STPG2: variants seen among roughly 807,000 people sequenced by gnomAD.
The protein encoded by STPG2 is sperm-tail PG-rich repeat-containing protein 2.
STPG2 carries 56 observed loss-of-function variants against 54.2 expected under a neutral mutation model. That is an observed-to-expected ratio of 1.03 (90% CI 0.83 to 1.29). The LOEUF (loss-of-function observed/expected upper bound fraction) is 1.29. STPG2 is among the 50% of genes most tolerant of loss of function. STPG2 has a pLI of 0.00. For missense variants in STPG2, 596 were observed against 544.9 expected (o/e 1.09, Z -0.93); for synonymous variants, 200 against 181.8 (o/e 1.10, Z -0.81).
chr4:97,484,218 A>G (rs892044706), intron 4 of STPG2, among the ~76,000 whole-genome samples: 6 of 151,792 alleles, frequency 4.0e-5, no homozygotes, highest in Non-Finnish European at 8.8e-5. Flanking sequence ...AAACATGAAA[A>G]TCAGAGCAGA....
At chr4:97,858,004 T>A (rs1267293288) in intron 8 of STPG2, among the ~76,000 whole-genome samples, 1 of 151,796 alleles carries the variant, frequency 6.6e-6, no homozygotes, top group Non-Finnish European at 1.5e-5. Context: ...TTGGATGATA[T>A]AAAAAAATTA....
intron 9 of STPG2, among the ~76,000 whole-genome samples, chr4:97,764,791 C>A (rs1040686754): frequency 6.6e-6 from 1 of 152,008 alleles, no homozygotes; most frequent in Non-Finnish European, 1.5e-5. Flanking sequence ...TTATTTAATT[C>A]ATATGATGGA....
At chr4:98,100,636 T>C (rs1002985626) in intron 5 of STPG2, among the ~76,000 whole-genome samples, 2 of 150,260 alleles carry the variant, frequency 1.3e-5, no homozygotes, top group Non-Finnish European at 3.0e-5. Flanking sequence ...TTACCAACCT[T>C]CCCAAGTCAT....
chr4:97,739,696 A>G (rs1376393174), intron 9 of STPG2, among the ~76,000 whole-genome samples: 1 of 152,210 alleles, frequency 6.6e-6, no homozygotes, highest in East Asian at 1.9e-4. Flanking sequence ...GACCAATAAC[A>G]GGCTCTGAAA....
At chr4:97,907,794 G>C (rs867169273) in intron 8 of STPG2, among the ~76,000 whole-genome samples, 19 of 152,188 alleles carry the variant, frequency 1.2e-4, no homozygotes, top group South Asian at 2.1e-4. Context: ...ATAAATAGTG[G>C]TGGGAAAACT....
At chr4:97,632,976 T>G (rs1721341634) in intron 10 of STPG2, among the ~76,000 whole-genome samples, 1 of 152,130 alleles carries the variant, frequency 6.6e-6, no homozygotes, top group African/African-American at 2.4e-5. Context: ...GGTAGATAGA[T>G]GGCAGGTAGG....
At chr4:97,743,593 T>C (rs1210657682) in intron 9 of STPG2, among the ~76,000 whole-genome samples, 1 of 151,714 alleles carries the variant, frequency 6.6e-6, no homozygotes, top group African/African-American at 2.4e-5. Flanking sequence ...ATATCTCATA[T>C]CATTTGTTCA....
At chr4:97,904,113 C>G (rs1731296638) in intron 8 of STPG2, among the ~76,000 whole-genome samples, 1 of 152,208 alleles carries the variant, frequency 6.6e-6, no homozygotes, top group African/African-American at 2.4e-5. Context: ...TGAAGGAGGC[C>G]TGCCTGCCTC....
At chr4:97,778,248 G>A (rs112509798) in intron 9 of STPG2, among the ~76,000 whole-genome samples, 1,902 of 152,272 alleles carry the variant, frequency 0.012, 35 homozygotes, top group African/African-American at 0.044. Context: ...CGTAGCAAAG[G>A]GCACAAGAGG....
At chr4:97,740,654 A>G (rs1245527608) in intron 9 of STPG2, among the ~76,000 whole-genome samples, 1 of 152,178 alleles carries the variant, frequency 6.6e-6, no homozygotes, top group Non-Finnish European at 1.5e-5. Context: ...CCAACTTACA[A>G]GGGATGTGAA....
At chr4:97,891,608 T>C (rs1191577589) in intron 8 of STPG2, among the ~76,000 whole-genome samples, 3 of 152,122 alleles carry the variant, frequency 2.0e-5, no homozygotes. Context: ...CTTAGGTATT[T>C]CTTTCAGTCC....
chr4:97,480,161 T>C (rs1730182693), intron 4 of STPG2, among the ~76,000 whole-genome samples: 1 of 151,640 alleles, frequency 6.6e-6, no homozygotes, highest in African/African-American at 2.4e-5. Context: ...AAGGGAAAAT[T>C]ATGCAAAGTT....
intron 8 of STPG2, among the ~76,000 whole-genome samples, chr4:97,927,796 C>T (rs900507338): frequency 6.6e-6 from 1 of 151,964 alleles, no homozygotes; most frequent in Non-Finnish European, 1.5e-5. Flanking sequence ...TAAAGATTAC[C>T]ATAACTATAG....
chr4:97,780,420 G>C (rs769753581), intron 9 of STPG2, among the ~76,000 whole-genome samples: 279 of 27,358 alleles, frequency 0.01, 3 homozygotes, highest in Middle Eastern at 0.022. Context: ...GGAGCACCCA[G>C]GTTCATAAAG....
intron 9 of STPG2, among the ~76,000 whole-genome samples, chr4:97,823,265 G>A (rs945781898): frequency 1.3e-5 from 2 of 152,202 alleles, no homozygotes; most frequent in African/African-American, 4.8e-5. Flanking sequence ...AAGCTTCAAA[G>A]GATAGGCTGA....
intron 5 of STPG2, among the ~76,000 whole-genome samples, chr4:97,993,423 A>G (rs1735085507): frequency 6.6e-6 from 1 of 152,154 alleles, no homozygotes; most frequent in African/African-American, 2.4e-5. Flanking sequence ...CCCTGGTATG[A>G]AACCCACTTG....
chr4:97,452,065 T>C (rs1183517285), intron 4 of STPG2, among the ~76,000 whole-genome samples: 2 of 139,188 alleles, frequency 1.4e-5, no homozygotes, highest in East Asian at 2.2e-4. Context: ...CTACCCAAAC[T>C]GCAGCTGCAG....
intron 1 of STPG2, among the ~76,000 whole-genome samples, chr4:98,140,333 A>G (rs1740246837): frequency 6.6e-6 from 1 of 152,200 alleles, no homozygotes; most frequent in African/African-American, 2.4e-5. Context: ...TTAGATGTTA[A>G]CCTTGATATT....
chr4:97,722,837 G>C (rs1213142626), intron 9 of STPG2, among the ~76,000 whole-genome samples: 2 of 136,308 alleles, frequency 1.5e-5, no homozygotes, highest in Non-Finnish European at 3.1e-5. Context: ...TTGCTCTGTC[G>C]CCCCGGCTGG....
Sources: allele counts gnomAD v4.1 joint callset (sites outside exome capture counted in the v4.1 genomes callset), GRCh38; gene constraint gnomAD v4.1.1; transcripts MANE v1.5; gene names NCBI Gene and HGNC (gene_info 2026-07-23, HGNC 2026-07-21).